FSTL5: variants seen among roughly 807,000 people sequenced by gnomAD.
FSTL5 encodes the protein follistatin-related protein 5.
FSTL5 carries 62 observed loss-of-function variants against 89.1 expected under a neutral mutation model. That is an observed-to-expected ratio of 0.70 (90% confidence interval 0.57 to 0.86). The LOEUF (loss-of-function observed/expected upper bound fraction) is 0.86. Among genes scored for constraint, FSTL5 ranks in the 40% least tolerant of loss-of-function variants. FSTL5 has a pLI of 0.00. For missense variants in FSTL5, 1,057 were observed against 1,001.6 expected, an observed-to-expected ratio of 1.06 and a Z score of -0.75; for synonymous variants, 383 against 346.2, an observed-to-expected ratio of 1.11 and a Z score of -1.18.
At chr4:161,490,597 T>C (rs1192173690) in intron 12 of FSTL5, among the ~76,000 whole-genome samples, 4 of 152,160 alleles carry the variant, frequency 2.6e-5, no homozygotes, top group African/African-American at 9.6e-5. Context: ...AGTTCTTGCA[T>C]CTTTCCATAT....
chr4:161,408,912 G>T (rs1277669138), intron 15 of FSTL5, among the ~76,000 whole-genome samples: 1 of 152,202 alleles, frequency 6.6e-6, no homozygotes, highest in Non-Finnish European at 1.5e-5. Context: ...AGAAATATGG[G>T]ATTATGTGAA....
intron 3 of FSTL5, among the ~76,000 whole-genome samples, chr4:161,925,762 A>C (rs2110878229): frequency 6.8e-6 from 1 of 147,300 alleles, no homozygotes; most frequent in South Asian, 2.2e-4. Context: ...TCATTGAATT[A>C]AATAGATAAC....
At chr4:161,443,748 G>A (rs1732854896) in intron 15 of FSTL5, among the ~76,000 whole-genome samples, 1 of 151,884 alleles carries the variant, frequency 6.6e-6, no homozygotes, top group African/African-American at 2.4e-5. Flanking sequence ...GTTTGGCTAG[G>A]AGATTGATAA....
At chr4:161,920,719 G>A in intron 3 of FSTL5, 67 bp from the exon 4 acceptor site, 1 of 1,439,562 alleles carries the variant, frequency 6.9e-7, no homozygotes, top group African/African-American at 1.4e-5. Context: ...ATATTTCAGA[G>A]TATCAAGTGG....
intron 4 of FSTL5, among the ~76,000 whole-genome samples, chr4:161,885,950 G>A (rs531842402): frequency 3.9e-5 from 6 of 151,972 alleles, no homozygotes; most frequent in Admixed American, 1.3e-4. Context: ...TAATGTGATC[G>A]ATGTAGACTT....
chr4:161,992,291 T>C (rs1431168291), intron 3 of FSTL5, among the ~76,000 whole-genome samples: 1 of 152,120 alleles, frequency 6.6e-6, no homozygotes, highest in African/African-American at 2.4e-5. Context: ...ACATGGGATA[T>C]TCTTCTAGGC....
chr4:161,478,728 AG>A (rs1383889117), intron 13 of FSTL5, among the ~76,000 whole-genome samples: 1 of 152,122 alleles, frequency 6.6e-6, no homozygotes, highest in African/African-American at 2.4e-5. Context: ...CTAATAAAAA[AG>A]TTTTCACATC....
At chr4:161,768,366 T>C (rs969312109) in intron 5 of FSTL5, among the ~76,000 whole-genome samples, 15 of 152,094 alleles carry the variant, frequency 9.9e-5, no homozygotes, top group Admixed American at 4.6e-4. Context: ...ATGTGATATA[T>C]TTGGTTATAC....
chr4:162,090,767 C>A (rs1419725803), intron 2 of FSTL5, among the ~76,000 whole-genome samples: 1 of 151,864 alleles, frequency 6.6e-6, no homozygotes, highest in Admixed American at 6.6e-5. Flanking sequence ...TCCAGTGAGC[C>A]GAGATTGCGC....
intron 6 of FSTL5, among the ~76,000 whole-genome samples, chr4:161,728,544 A>G (rs1739499393): frequency 6.6e-6 from 1 of 152,176 alleles, no homozygotes; most frequent in Non-Finnish European, 1.5e-5. Context: ...TTATAGGACC[A>G]TTCGAGGGAA....
At chr4:161,432,749 A>G (rs943884429) in intron 15 of FSTL5, among the ~76,000 whole-genome samples, 2 of 152,014 alleles carry the variant, frequency 1.3e-5, no homozygotes, top group Non-Finnish European at 2.9e-5. Flanking sequence ...AACAGCAGAC[A>G]TTAGAACTGA....
intron 4 of FSTL5, among the ~76,000 whole-genome samples, chr4:161,854,830 A>G (rs1327074489): frequency 6.6e-6 from 1 of 152,016 alleles, no homozygotes; most frequent in African/African-American, 2.4e-5. Context: ...ACTTATATTT[A>G]CCATATAGAT....
intron 6 of FSTL5, among the ~76,000 whole-genome samples, chr4:161,677,178 A>C (rs1737334868): frequency 6.6e-6 from 1 of 151,836 alleles, no homozygotes; most frequent in Admixed American, 6.6e-5. Context: ...TTGAAACTAC[A>C]GAATTTTTTT....
At chr4:161,972,717 A>T (rs1735520376) in intron 3 of FSTL5, among the ~76,000 whole-genome samples, 1 of 152,226 alleles carries the variant, frequency 6.6e-6, no homozygotes, top group African/African-American at 2.4e-5. Flanking sequence ...CAAAGCAAAG[A>T]GCCCAGTTAA....
At chr4:161,388,826 A>G (rs1730729183) in intron 15 of FSTL5, among the ~76,000 whole-genome samples, 1 of 152,076 alleles carries the variant, frequency 6.6e-6, no homozygotes, top group Admixed American at 6.6e-5. Context: ...AGAATGAGAC[A>G]AGCTCTCTTT....
chr4:161,951,069 C>T (rs772628739), intron 3 of FSTL5, among the ~76,000 whole-genome samples: 11 of 151,910 alleles, frequency 7.2e-5, no homozygotes, highest in African/African-American at 2.4e-4. Flanking sequence ...CTCATGACAG[C>T]GAATAAGTCT....
chr4:161,563,724 A>G (rs1013629163), intron 8 of FSTL5, among the ~76,000 whole-genome samples: 1 of 151,960 alleles, frequency 6.6e-6, no homozygotes, highest in East Asian at 1.9e-4. Flanking sequence ...TTTCTCCCCA[A>G]CAATTTGGCC....
At chr4:162,085,534 C>T (rs965965057) in intron 2 of FSTL5, among the ~76,000 whole-genome samples, 15 of 151,750 alleles carry the variant, frequency 9.9e-5, no homozygotes, top group African/African-American at 2.7e-4. Context: ...TACATGTTTG[C>T]GTGTTTATAT....
intron 15 of FSTL5, among the ~76,000 whole-genome samples, chr4:161,451,765 C>T (rs1254194889): frequency 2.0e-5 from 3 of 152,118 alleles, no homozygotes; most frequent in African/African-American, 7.2e-5. Context: ...GCTGAGAAAT[C>T]CATATATAGG....
Sources: allele counts gnomAD v4.1 joint callset (sites outside exome capture counted in the v4.1 genomes callset), GRCh38; gene constraint gnomAD v4.1.1; transcripts MANE v1.5; gene names NCBI Gene and HGNC (gene_info 2026-07-23, HGNC 2026-07-21).